The following CORO7 variants were observed in gnomAD, a reference collection of about 807,000 sequenced individuals.
CORO7 encodes coronin-7.
A neutral mutation model predicts 126.6 loss-of-function variants in CORO7; 107 were observed. That is an observed-to-expected ratio of 0.85 (90% confidence interval 0.72 to 0.99). The LOEUF is 0.99. CORO7 is among the 50% of genes least tolerant of loss of function. The probability of loss-of-function intolerance (pLI) is 0.00; values close to 1 mark genes in which losing one functional copy is unlikely to be tolerated. For missense variants in CORO7, 1,314 were observed against 1,255.8 expected, an observed-to-expected ratio of 1.05 and a Z score of -0.70; for synonymous variants, 603 against 536.8, an observed-to-expected ratio of 1.12 and a Z score of -1.70.
chr16:4,379,237 C>T (rs1253350256), intron 9 of CORO7, among the ~76,000 whole-genome samples: 1 of 152,092 alleles, frequency 6.6e-6, no homozygotes, highest in Non-Finnish European at 1.5e-5. Context: ...CTTGTGTGAG[C>T]TGCAGGCGCC....
intron 6 of CORO7, among the ~76,000 whole-genome samples, chr16:4,400,073 G>A (rs1434768297): frequency 6.6e-6 from 1 of 152,178 alleles, no homozygotes; most frequent in Non-Finnish European, 1.5e-5. Context: ...GGATGAACAG[G>A]TGGAACCCAG....
At chr16:4,355,552 T>C (rs2053951071) in intron 26 of CORO7, 180 bp from the exon 27 acceptor site, 5 of 649,394 alleles carry the variant, frequency 7.7e-6, no homozygotes, top group South Asian at 3.9e-5. Context: ...CACTGCAAGC[T>C]CTGCCTCCCG....
chr16:4,395,345 A>G lies in CORO7; in HGVS notation c.565-6T>C, dbSNP rs761029202. 3.7e-6 allele frequency: 6 copies of G among 1,614,016 alleles called. No homozygotes were observed. The highest frequency in any genetic ancestry group is 5.1e-6 in the Non-Finnish European group (6 of 1,180,010). ...AAGATCCGCAGCTGCTTGTCCTGGA[A>G]AAGCAGAGAGGAGGAAACAACTTGC... is the stretch of plus-strand genomic sequence containing the variant. On this transcript the variant is annotated splice_polypyrimidine_tract_variant and splice_region_variant and intron_variant, in intron 6 of 27. Coordinates refer to ENST00000251166, the MANE Select transcript of CORO7 (RefSeq NM_024535.5).
intron 6 of CORO7, among the ~76,000 whole-genome samples, chr16:4,400,400 G>A (rs908014395): frequency 1.7e-4 from 26 of 152,312 alleles, no homozygotes; most frequent in Non-Finnish European, 3.1e-4. Context: ...TTGGGAGGCC[G>A]AGGTGGGTGG....
At position 4,412,392 on chromosome 16, in the gene CORO7, C is replaced by T; in HGVS notation, c.196G>A (p.Asp66Asn). Residue 66 changes from aspartate to asparagine, a missense_variant, in exon 3 of 28, where the codon GAC (aspartate) becomes AAC (asparagine). Transcript: ENST00000251166. Reference sequence around the variant, plus strand: ...CCCAGGTGGGCCACGCGTCGCTTGTCCTCTCCTTGGCCTTGCAGAGGCACA... The same window carrying T: ...CCCAGGTGGGCCACGCGTCGCTTGTTCTCTCCTTGGCCTTGCAGAGGCACA... ...GIVPLQGQGEDKRRVAHLGCH... is the reference protein window; with the variant it reads ...GIVPLQGQGENKRRVAHLGCH... 1 of 1,614,222 alleles carries T rather than the reference C, an allele frequency of 6.2e-7. No homozygotes were observed. Among genetic ancestry groups the T allele is most frequent in the Non-Finnish European group, 8.5e-7 (1 of 1,180,038 alleles).
intron 9 of CORO7, among the ~76,000 whole-genome samples, chr16:4,374,260 C>CGGTGGA (rs1046571320): frequency 6.6e-6 from 1 of 152,150 alleles, no homozygotes; most frequent in Non-Finnish European, 1.5e-5. Flanking sequence ...TTCCTTTTAT[C>CGGTGGA]GGTTTCCACA....
chr16:4,372,511 A>T (rs1596293083), intron 9 of CORO7, among the ~76,000 whole-genome samples: 1 of 152,222 alleles, frequency 6.6e-6, no homozygotes, highest in Non-Finnish European at 1.5e-5. Context: ...TGGGCGTCCG[A>T]TGCCCATCCC....
At position 4,408,232 on chromosome 16, in the gene CORO7, G is replaced by A; in HGVS notation, c.252C>T (p.Asp84=). ...GCHSDLVTDL[D]FSPFDDFLLA... ...GGAGGAAGTCATCAAAGGGCGAGAA[G>A]TCCAAGTCGGTGACTAGGTCTGTGG... Residue 84 remains aspartate, a synonymous_variant, in exon 4 of 28, where the codon GAC becomes GAT. Transcript: ENST00000251166. The A allele has an allele frequency of 1.2e-6, 2 of 1,614,218 alleles. No homozygotes were observed. Among genetic ancestry groups the A allele is most frequent in the African/African-American group, 1.3e-5 (1 of 75,056 alleles).
rs144895346 is a variant in CORO7, at chr16:4,390,092, G to A, written c.616-1461C>T. 2.5e-3 allele frequency among the ~76,000 whole-genome samples: 387 copies of A among 152,262 alleles called. 3 individuals carry two copies. Among genetic ancestry groups the A allele is most frequent in the African/African-American group, 9.0e-3 (374 of 41,538 alleles). ...CCTGTGCCCGTGGAATAAACACATC[G>A]GGGAGGTAGATGTAGGCCAAAGAGA... On this transcript the variant is annotated intron_variant, in intron 7 of 27. Transcript: ENST00000251166.
rs1442636185 is a variant in CORO7, at chr16:4,413,353, T to A, written c.112A>T (p.Ile38Phe). ...AGTAPSCRNH[I>F]KSSCSLIAFN... ...GCGATCAAGCTGCAGCTTGATTTGA[T>A]GTGGTTCCTGCATGAAGGGGCGGTT... Residue 38 changes from isoleucine to phenylalanine, a missense_variant, in exon 2 of 28, where the codon ATC becomes TTC. By Grantham distance (21) the Ile-to-Phe change is conservative. Coordinates refer to ENST00000251166, the MANE Select transcript of CORO7 (RefSeq NM_024535.5). The A allele has an allele frequency of 1.3e-6, 2 of 1,586,854 alleles. No individual in the cohort carries two copies. Among genetic ancestry groups the A allele is most frequent in the Non-Finnish European group, 1.7e-6 (2 of 1,165,698 alleles).
Position 4,389,553 on chromosome 16 carries a change from C to T in CORO7, c.616-922G>A, listed in dbSNP as rs567915474. Among the ~76,000 whole-genome samples the T allele has an allele frequency of 2.0e-3, 309 of 152,292 alleles. 2 individuals carry two copies. The highest frequency in any genetic ancestry group is 6.8e-3 in the Middle Eastern group (2 of 294). Reference sequence around the variant, plus strand: ...CCCCTCCCCAGCCCGTGGAGGCTGACTCCAGCGTGGGAGACCATCGGAAAC... The same window carrying T: ...CCCCTCCCCAGCCCGTGGAGGCTGATTCCAGCGTGGGAGACCATCGGAAAC... On this transcript the variant is annotated intron_variant, in intron 7 of 27. Coordinates refer to ENST00000251166, the MANE Select transcript of CORO7 (RefSeq NM_024535.5).
Position 4,400,864 on chromosome 16 carries a change from G to A in CORO7, c.564+4627C>T, listed in dbSNP as rs747270812. 7.1e-4 allele frequency among the ~76,000 whole-genome samples: 108 copies of A among 151,386 alleles called. 1 individual carries two copies. Among genetic ancestry groups the A allele is most frequent in the Non-Finnish European group, 1.2e-3 (83 of 67,946 alleles). On this transcript the variant is annotated intron_variant, in intron 6 of 27. Coordinates refer to ENST00000251166, the MANE Select transcript of CORO7 (RefSeq NM_024535.5). ...CCATTGGTTCCTCAATTGAAACAAC[G>A]TACCACACTCACGCAGGATATTCAT...
In CORO7 at chr16:4,361,446, G is replaced by A. The variant is rs766439469; in HGVS notation, c.1602C>T (p.Pro534=). The part of the protein sequence containing the change: ...VLELRKPGRL[P]DTALPTLQNG... ...TCTGCAGCGTGGGCAGTGCCGTGTCGGGCAGGCGGCCAGGCTTCCGTAGCT... is the reference window on the plus strand; with the variant it reads ...TCTGCAGCGTGGGCAGTGCCGTGTCAGGCAGGCGGCCAGGCTTCCGTAGCT... Residue 534 remains proline, a synonymous_variant, in exon 17 of 28, where the codon CCC becomes CCT. Coordinates refer to ENST00000251166, the MANE Select transcript of CORO7 (RefSeq NM_024535.5). The A allele has an allele frequency of 2.4e-5, 39 of 1,612,016 alleles. No homozygotes were observed. Among genetic ancestry groups the A allele is most frequent in the Middle Eastern group, 3.4e-4 (2 of 5,812 alleles).
At chr16:4,369,343 CT>C (rs1234086953) in intron 9 of CORO7, among the ~76,000 whole-genome samples, 2 of 152,244 alleles carry the variant, frequency 1.3e-5, no homozygotes, top group Non-Finnish European at 2.9e-5. Flanking sequence ...GGGTCTGGGT[CT>C]GGAACATGGT....
intron 10 of CORO7, 29 bp downstream of exon 10, chr16:4,365,462 G>A (rs776881379): frequency 1.3e-6 from 2 of 1,544,896 alleles, no homozygotes; most frequent in Non-Finnish European, 8.7e-7. Context: ...GGCTGTGGAT[G>A]TGGGTGGGAG....
chr16:4,359,261 G>T (rs1206901750), intron 23 of CORO7, 35 bp downstream of exon 23: 2 of 1,558,798 alleles, frequency 1.3e-6, no homozygotes, highest in Admixed American at 1.9e-5. Flanking sequence ...CAGCCTTGTG[G>T]TCCCATCGGG....
intron 9 of CORO7, among the ~76,000 whole-genome samples, chr16:4,378,335 A>C (rs762631071): frequency 1.1e-4 from 17 of 152,152 alleles, no homozygotes; most frequent in Non-Finnish European, 2.4e-4. Flanking sequence ...CTGCGGCCAC[A>C]GTGGTGGCCA....
intron 9 of CORO7, chr16:4,382,125 T>A (rs1315054344): frequency 6.3e-7 from 1 of 1,588,604 alleles, no homozygotes; most frequent in Non-Finnish European, 8.6e-7. Context: ...CCTGCCTCAA[T>A]GGGGGCACAT....
intron 3 of CORO7, among the ~76,000 whole-genome samples, chr16:4,409,926 G>A (rs2056140518): frequency 6.6e-6 from 1 of 152,224 alleles, no homozygotes; most frequent in South Asian, 2.1e-4. Context: ...CAGGGGTGCT[G>A]GAGCTCACCT....
Sources: gnomAD v4.1 joint callset for allele counts (sites outside exome capture counted in the v4.1 genomes callset) on GRCh38, gnomAD v4.1.1 for gene constraint, MANE v1.5 for transcripts, NCBI Gene and HGNC (gene_info 2026-07-23, HGNC 2026-07-21) for gene names.